The following PRSS57 variants were observed in gnomAD, a reference collection of about 807,000 sequenced individuals.
The protein encoded by PRSS57 is neutrophil serine protease 4.
In PRSS57, 19 loss-of-function variants were observed where a neutral mutation model predicts 20.6. The ratio of observed to expected loss-of-function variants is 0.92; its 90% CI spans 0.64 to 1.35. The LOEUF (loss-of-function observed/expected upper bound fraction) is 1.35, where lower values mean the gene tolerates loss of function less well. PRSS57 is among the 40% of genes most tolerant of loss of function. The pLI is 0.00. For synonymous variants in PRSS57, 203 were observed against 176.6 expected, an observed-to-expected ratio of 1.15 and a Z score of -1.19; for missense variants, 440 against 403.7, an observed-to-expected ratio of 1.09 and a Z score of -0.77.
intron 3 of PRSS57, among the ~76,000 whole-genome samples, chr19:687,888 C>T (rs1316557179): frequency 1.3e-5 from 2 of 152,210 alleles, no homozygotes; most frequent in Admixed American, 1.3e-4. Flanking sequence ...ACACACCTCC[C>T]CTCACACCAG....
At position 685,909 on chromosome 19, in the gene PRSS57, C is replaced by G; in HGVS notation, c.656G>C (p.Gly219Ala). The G allele has an allele frequency of 6.5e-7, 1 of 1,543,724 alleles. No individual in the cohort carries two copies. Among genetic ancestry groups the G allele is most frequent in the South Asian group, 1.2e-5 (1 of 83,982 alleles). ...RRGFCSADSG[G>A]PLVCRNRAHG... is the part of the protein sequence containing the mutation. ...AGCCCGGTTCCTGCACACCAGGGGCCCTCCGGAGTCGGCCTGGAGTGAAAG... is the reference window on the plus strand; with the variant it reads ...AGCCCGGTTCCTGCACACCAGGGGCGCTCCGGAGTCGGCCTGGAGTGAAAG... The change falls in exon 5 of 5, where the codon GGG (glycine) becomes GCG (alanine). Residue 219 changes from glycine to alanine, a missense_variant. Physicochemically the swap from Gly to Ala is moderately conservative, Grantham distance 60. Coordinates refer to ENST00000329267, the MANE Select transcript of PRSS57 (RefSeq NM_001308209.2).
At chr19:686,342 CGTA>C (rs2031473778) in intron 4 of PRSS57, among the ~76,000 whole-genome samples, 1 of 152,032 alleles carries the variant, frequency 6.6e-6, no homozygotes, top group African/African-American at 2.4e-5. Context: ...GAGGGCTCCC[CGTA>C]TACTCACCCT....
chr19:694,783 C>G, intron 2 of PRSS57, 31 bp downstream of exon 2: 1 of 1,591,498 alleles, frequency 6.3e-7, no homozygotes, highest in Non-Finnish European at 8.5e-7. Flanking sequence ...ATACGGTGTC[C>G]AGAAAGAAGG....
At position 694,848 on chromosome 19, in the gene PRSS57, AG is replaced by A; in HGVS notation, c.198del (p.Trp67GlyfsTer26). The A allele has an allele frequency of 6.2e-7, 1 of 1,607,198 alleles. No homozygotes were observed. Among genetic ancestry groups the A allele is most frequent in the Non-Finnish European group, 8.5e-7 (1 of 1,177,662 alleles). On this transcript the variant is annotated frameshift_variant, in exon 2 of 5. Transcript: ENST00000329267. LOFTEE classifies it high-confidence loss of function. ...HHCGGFLLRA[R>X]WVVSAAHCFS... ...AAGCAGTGGGCGGCCGAGACCACCC[AG>A]CGGGCTCGCAGCAGGAAGCCTCCGC... is the stretch of plus-strand genomic sequence containing the variant.
chr19:692,511 G>A (rs898872347), intron 2 of PRSS57, among the ~76,000 whole-genome samples: 6 of 148,388 alleles, frequency 4.0e-5, no homozygotes, highest in South Asian at 2.1e-4. Context: ...CTGCCTCCTG[G>A]GTTCCAGTGA....
rs1599121048 is a variant in PRSS57 at position 694,941 on chromosome 19, C to T, written c.106G>A (p.Gly36Ser). 1 of 1,571,156 alleles carries T rather than the reference C, an allele frequency of 6.4e-7. No individual in the cohort carries two copies. The highest frequency in any genetic ancestry group is 1.9e-5 in the Admixed American group (1 of 53,546). ...CTGGAGTGGGGGGTCACCTCGTGGC[C>T]CCCGATGATCTGGGCCCCCCAGGAG... ...PGSWGAQIIGGHEVTPHSRPY... is the reference protein window; with the variant it reads ...PGSWGAQIIGSHEVTPHSRPY... The change falls in exon 2 of 5, where the codon GGC (glycine) becomes AGC (serine). Residue 36 changes from glycine (G) to serine (S), a missense_variant. Transcript: ENST00000329267.
intron 2 of PRSS57, among the ~76,000 whole-genome samples, chr19:693,228 G>A (rs897106701): frequency 5.9e-4 from 20 of 34,010 alleles, no homozygotes; most frequent in African/African-American, 2.0e-3. Flanking sequence ...ACCGCACCCG[G>A]CCTTTTTTTT....
chr19:690,496 C>T (rs2144812973), intron 3 of PRSS57: 2 of 220,042 alleles, frequency 9.1e-6, no homozygotes, highest in South Asian at 5.7e-5. Flanking sequence ...AGACGCCTGT[C>T]ACCAAGCTGG....
At chr19:692,638 A>C (rs1391191480) in intron 2 of PRSS57, among the ~76,000 whole-genome samples, 1 of 151,706 alleles carries the variant, frequency 6.6e-6, no homozygotes, top group East Asian at 2.0e-4. Flanking sequence ...GCTGGTCTCG[A>C]ACTCCTGACC....
chr19:690,994 A>G (rs1006201878), intron 3 of PRSS57: 1 of 411,272 alleles, frequency 2.4e-6, no homozygotes, highest in Non-Finnish European at 4.6e-6. Context: ...CAGGGGCTGC[A>G]CTGCCACCCT....
intron 1 of PRSS57, 44 bp from the exon 2 acceptor site, chr19:695,011 G>A (rs781217653): frequency 6.8e-6 from 10 of 1,478,162 alleles, no homozygotes; most frequent in Non-Finnish European, 9.0e-6. Context: ...CGGGAGGAAC[G>A]GATGACGGGG....
intron 3 of PRSS57, among the ~76,000 whole-genome samples, chr19:691,627 C>G (rs567907940): frequency 1.2e-4 from 18 of 152,020 alleles, no homozygotes; most frequent in Middle Eastern, 6.8e-3. Flanking sequence ...TGAGACCAGC[C>G]TGGCCAACAT....
chr19:688,602 C>CTTTTTTTTTTTTTTTTTTTTTTTTTT, intron 3 of PRSS57, among the ~76,000 whole-genome samples: 1 of 110,208 alleles, frequency 9.1e-6, no homozygotes, highest in Non-Finnish European at 1.8e-5. Context: ...CACCCAGGGA[C>CTTTTTTTTTTTTTTTTTTTTTTTTTT]TTTTTTTTTT....
chr19:688,362 T>TC (rs1480399022), intron 3 of PRSS57, among the ~76,000 whole-genome samples: 4 of 151,560 alleles, frequency 2.6e-5, no homozygotes, highest in African/African-American at 9.7e-5. Flanking sequence ...TTTGTTTTTT[T>TC]CAGAGTCTTG....
At position 685,875 on chromosome 19, in the gene PRSS57, G is replaced by A. The variant is rs376136075; in HGVS notation, c.690C>T (p.Leu230=). 29 of 1,554,926 alleles carry A rather than the reference G, an allele frequency of 1.9e-5. No individual in the cohort carries two copies. Among genetic ancestry groups the A allele is most frequent in the African/African-American group, 4.1e-5 (3 of 73,348 alleles). ...CGCACCAGAGGCCCGAGAAGGAAAC[G>A]AGGCCGTGAGCCCGGTTCCTGCACA... is the stretch of plus-strand genomic sequence containing the variant. ...PLVCRNRAHG[L]VSFSGLWCGD... Residue 230 remains leucine, a synonymous_variant, in exon 5 of 5, where the codon CTC becomes CTT. Transcript: ENST00000329267.
intron 2 of PRSS57, among the ~76,000 whole-genome samples, chr19:693,190 C>T (rs2144817142): frequency 6.8e-6 from 1 of 147,106 alleles, no homozygotes; most frequent in South Asian, 2.1e-4. Flanking sequence ...CTCGGCCTCC[C>T]AAAGTGCCGG....
intron 2 of PRSS57, among the ~76,000 whole-genome samples, chr19:693,603 C>T (rs2031711137): frequency 6.6e-6 from 1 of 152,132 alleles, no homozygotes; most frequent in Non-Finnish European, 1.5e-5. Flanking sequence ...GAATCTCACT[C>T]TTTCCCCTAG....
At chr19:695,116 G>C in intron 1 of PRSS57, 149 bp from the exon 2 acceptor site, 1 of 804,000 alleles carries the variant, frequency 1.2e-6, no homozygotes, top group East Asian at 3.3e-5. Context: ...ACAGAGCCCA[G>C]ACAAGCCCCC....
Position 686,907 on chromosome 19 carries a change from G to A in PRSS57, c.642+18C>T, listed in dbSNP as rs1256108120. The A allele has an allele frequency of 6.2e-6, 10 of 1,607,778 alleles. No individual in the cohort carries two copies. Among genetic ancestry groups the A allele is most frequent in the Non-Finnish European group, 6.8e-6 (8 of 1,176,186 alleles). On this transcript the variant is annotated intron_variant, in intron 4 of 4. Transcript: ENST00000329267. The stretch of plus-strand genomic sequence containing the variant: ...TTTCCCCACACAGTAAGTGGGTGGA[G>A]CAGGGAGGGGATCTTACCGAGCAGA...
Sources: allele counts gnomAD v4.1 joint callset (sites outside exome capture counted in the v4.1 genomes callset), GRCh38; gene constraint gnomAD v4.1.1; transcripts MANE v1.5; gene names NCBI Gene and HGNC (gene_info 2026-07-23, HGNC 2026-07-21).